MED15: variants seen among roughly 807,000 people sequenced by gnomAD.
The protein encoded by MED15 is mediator complex subunit 15.
A neutral mutation model predicts 118.7 loss-of-function variants in MED15; 41 were observed. That is an observed-to-expected ratio of 0.35 (90% CI 0.27 to 0.45). MED15 has a LOEUF of 0.45. Among genes scored for constraint, MED15 ranks in the 20% least tolerant of loss-of-function variants. The pLI, the probability that MED15 is intolerant of heterozygous loss-of-function variation, is 1.00. For synonymous variants in MED15, 436 were observed against 413.9 expected (o/e 1.05, Z -0.65); for missense variants, 740 against 1,025.5 (o/e 0.72, Z 3.80).
At chr22:20,560,932 A>G (rs562299721) in intron 5 of MED15, among the ~76,000 whole-genome samples, 2 of 152,338 alleles carry the variant, frequency 1.3e-5, no homozygotes, top group African/African-American at 4.8e-5. Context: ...TCAACAAAAT[A>G]TGAAATAAAT....
At chr22:20,533,676 C>T (rs2054941671) in intron 1 of MED15, among the ~76,000 whole-genome samples, 1 of 152,138 alleles carries the variant, frequency 6.6e-6, no homozygotes, top group African/African-American at 2.4e-5. Flanking sequence ...TGGTGTTGGC[C>T]TGTCAAGACT....
At chr22:20,525,218 G>A (rs535378467) in intron 1 of MED15, among the ~76,000 whole-genome samples, 1 of 152,172 alleles carries the variant, frequency 6.6e-6, no homozygotes, top group Admixed American at 6.6e-5. Context: ...TTGAGCCTAG[G>A]AGTCGGAGGC....
chr22:20,508,008 C>T, intron 1 of MED15: 1 of 1,417,510 alleles, frequency 7.1e-7, no homozygotes, highest in Non-Finnish European at 9.2e-7. Flanking sequence ...TCTCATTCGT[C>T]ATTTGTGTGC....
chr22:20,509,432 GC>G (rs1272337237), intron 1 of MED15, among the ~76,000 whole-genome samples: 1 of 152,162 alleles, frequency 6.6e-6, no homozygotes, highest in Non-Finnish European at 1.5e-5. Flanking sequence ...CTCACTGCCT[GC>G]CACATTGCTC....
intron 16 of MED15, chr22:20,585,503 G>C (rs1360966642): frequency 1.4e-5 from 10 of 706,376 alleles, no homozygotes; most frequent in Non-Finnish European, 2.1e-5. Flanking sequence ...GGCTTTGCTT[G>C]CCTGGGCCCT....
intron 13 of MED15, 32 bp downstream of exon 13, chr22:20,583,425 A>G: frequency 6.2e-7 from 1 of 1,610,244 alleles, no homozygotes; most frequent in East Asian, 2.2e-5. Context: ...CGGAGGGTCC[A>G]CAAGGGCACA....
intron 1 of MED15, among the ~76,000 whole-genome samples, chr22:20,535,892 TTTTG>T (rs2055060182): frequency 1.2e-5 from 1 of 82,694 alleles, no homozygotes; most frequent in African/African-American, 5.0e-5. Context: ...TTTTTTTTTT[TTTTG>T]AGATGGAGTT....
chr22:20,528,447 T>C lies in MED15; in HGVS notation c.69-8670T>C, dbSNP rs1322086379. Among the ~76,000 whole-genome samples the C allele has an allele frequency of 2.0e-5, 3 of 151,734 alleles. No homozygotes were observed. In the East Asian group the frequency reaches 5.8e-4, roughly 29 times the overall value. ...GAGCATGCGACCTGGATCCCTCACA[T>C]GCACAGTTTACAGTGGGGTTCGTGC... On this transcript the variant is annotated intron_variant, in intron 1 of 17. Transcript: ENST00000263205.
intron 1 of MED15, among the ~76,000 whole-genome samples, chr22:20,520,924 GA>G (rs1404229993): frequency 6.6e-6 from 1 of 151,696 alleles, no homozygotes; most frequent in Non-Finnish European, 1.5e-5. Context: ...GTTTTTTGTA[GA>G]GATGGGGTTT....
At chr22:20,512,174 A>G (rs968026760) in intron 1 of MED15, among the ~76,000 whole-genome samples, 2 of 151,508 alleles carry the variant, frequency 1.3e-5, no homozygotes, top group African/African-American at 4.9e-5. Flanking sequence ...TTTTTTGTAG[A>G]GATGAGGTTT....
rs1417392379 is a variant in MED15 at position 20,575,358 on chromosome 22, C to T, written c.1272+126C>T. The T allele has an allele frequency of 3.3e-6, 4 of 1,224,034 alleles. No homozygotes were observed. The South Asian group carries it at 6.9e-5, about 21-fold the overall frequency. 75.8% of individuals were successfully genotyped at this position (1,224,034 alleles called of 1,614,324 possible). A position where few individuals can be genotyped will look rare whatever the true frequency, so the allele number is the denominator to read the frequency against. On this transcript the variant is annotated intron_variant, in intron 9 of 17. Transcript: ENST00000263205. ...TTATGGTGGCTTTCAGAGTGCCAAA[C>T]CCACAGTCCCTTTTTTTTTTTTTTT... is the stretch of plus-strand genomic sequence containing the variant.
chr22:20,509,828 C>T (rs540088880), intron 1 of MED15, among the ~76,000 whole-genome samples: 14 of 151,912 alleles, frequency 9.2e-5, no homozygotes, highest in Non-Finnish European at 2.1e-4. Flanking sequence ...AAGAAAAGTC[C>T]CCAGGGCAAG....
chr22:20,582,810 G>T, intron 10 of MED15, 30 bp from the exon 11 acceptor site: 2 of 1,605,202 alleles, frequency 1.2e-6, no homozygotes, highest in Non-Finnish European at 8.5e-7. Flanking sequence ...CCTGGACCCC[G>T]GCTCACATGT....
intron 7 of MED15, among the ~76,000 whole-genome samples, chr22:20,568,052 G>A (rs1300214826): frequency 6.6e-6 from 1 of 152,166 alleles, no homozygotes; most frequent in Non-Finnish European, 1.5e-5. Flanking sequence ...TGTTGCCCAG[G>A]CTAGTCTTGA....
chr22:20,556,894 C>A lies in MED15; in HGVS notation c.451+1746C>A, dbSNP rs28430299. On this transcript the variant is annotated intron_variant, in intron 5 of 17. Transcript: ENST00000263205. ...CTTTTTGAGATTGGCTTTTTAAATT[C>A]AATCTGATACCCTTGAGACCCAGCC... Among the ~76,000 whole-genome samples, 1,096 of 152,286 alleles carry A rather than the reference C, an allele frequency of 7.2e-3. 18 individuals carry two copies. Among genetic ancestry groups the A allele is most frequent in the African/African-American group, 0.024 (997 of 41,560 alleles).
intron 3 of MED15, 146 bp from the exon 4 acceptor site, chr22:20,552,999 A>G (rs2055840980): frequency 1.4e-6 from 1 of 710,068 alleles, no homozygotes; most frequent in Non-Finnish European, 2.4e-6. Context: ...CAAGAGTAGA[A>G]ACACTTCCCC....
intron 2 of MED15, among the ~76,000 whole-genome samples, chr22:20,540,769 A>G (rs1601525221): frequency 6.6e-6 from 1 of 152,134 alleles, no homozygotes; most frequent in South Asian, 2.1e-4. Context: ...AAAATTAAAA[A>G]CTTGTACATC....
intron 1 of MED15, among the ~76,000 whole-genome samples, chr22:20,523,213 T>C (rs1482260845): frequency 1.3e-5 from 2 of 152,242 alleles, no homozygotes; most frequent in East Asian, 3.9e-4. Context: ...TTTTGAGTTA[T>C]AGGTTTCCCA....
At position 20,586,772 on chromosome 22, in the gene MED15, T is replaced by C. The variant is rs2057148772; in HGVS notation, c.*68T>C. 1.9e-6 allele frequency: 3 copies of C among 1,585,812 alleles called. No homozygotes were observed. The highest frequency in any genetic ancestry group is 1.3e-5 in the African/African-American group (1 of 74,572). On this transcript the variant is annotated 3_prime_UTR_variant, in exon 18 of 18. Transcript: ENST00000263205. ...ACACACGCCTCCTGTCAGACACTTC[T>C]AGGTGTTGGCTTCCTTAGAGAGCCT...
Sources: allele counts gnomAD v4.1 joint callset (sites outside exome capture counted in the v4.1 genomes callset), GRCh38; gene constraint gnomAD v4.1.1; transcripts MANE v1.5; gene names NCBI Gene and HGNC (gene_info 2026-07-23, HGNC 2026-07-21).